Variants in PDE4B observed in about 807,000 individuals in gnomAD.
PDE4B encodes the protein 3',5'-cyclic-AMP phosphodiesterase 4B.
PDE4B carries 20 observed loss-of-function variants against 82.2 expected under a neutral mutation model. The observed-to-expected ratio is 0.24, with a 90% CI of 0.17 to 0.35. The LOEUF (loss-of-function observed/expected upper bound fraction) is 0.35. PDE4B is among the 10% of genes least tolerant of loss of function. The pLI is 1.00. For synonymous variants in PDE4B, 320 were observed against 318.9 expected, an observed-to-expected ratio of 1.00 and a Z score of -0.04; for missense variants, 655 against 907.2, an observed-to-expected ratio of 0.72 and a Z score of 3.57.
At chr1:66,052,534 C>A (rs1190405248) in intron 3 of PDE4B, among the ~76,000 whole-genome samples, 1 of 148,766 alleles carries the variant, frequency 6.7e-6, no homozygotes, top group Non-Finnish European at 1.5e-5. Context: ...ACTGCTTTAG[C>A]TTTCTGTGTT....
At chr1:66,029,814 A>G (rs1421151263) in intron 3 of PDE4B, among the ~76,000 whole-genome samples, 1 of 152,198 alleles carries the variant, frequency 6.6e-6, no homozygotes, top group Non-Finnish European at 1.5e-5. Flanking sequence ...GATTTTATAT[A>G]TGCTTAAATT....
At chr1:65,794,752 ATAAG>A (rs781004776) in intron 1 of PDE4B, among the ~76,000 whole-genome samples, 13 of 152,370 alleles carry the variant, frequency 8.5e-5, no homozygotes, top group East Asian at 1.9e-4. Flanking sequence ...TTTACAAAAA[ATAAG>A]TAAGATTGTT....
chr1:66,298,705 T>A (rs1657679333), intron 7 of PDE4B, among the ~76,000 whole-genome samples: 1 of 152,156 alleles, frequency 6.6e-6, no homozygotes, highest in African/African-American at 2.4e-5. Flanking sequence ...ACTTGACATC[T>A]TTTTTAGTTT....
intron 3 of PDE4B, among the ~76,000 whole-genome samples, chr1:66,244,445 T>C (rs1037162950): frequency 2.0e-5 from 3 of 152,234 alleles, no homozygotes; most frequent in Non-Finnish European, 4.4e-5. Context: ...TGTGTTTGTT[T>C]CTGCTACTGT....
At chr1:66,141,327 A>AATACATAT (rs1646165476) in intron 3 of PDE4B, among the ~76,000 whole-genome samples, 1 of 91,482 alleles carries the variant, frequency 1.1e-5, no homozygotes, top group Non-Finnish European at 2.0e-5. Flanking sequence ...AAGCTTTGAG[A>AATACATAT]ATATATATAT....
chr1:65,947,079 C>T (rs956448672), intron 3 of PDE4B, among the ~76,000 whole-genome samples: 11 of 151,948 alleles, frequency 7.2e-5, no homozygotes, highest in South Asian at 2.1e-4. Flanking sequence ...ACATCAGGCA[C>T]GGTTAACATG....
At chr1:66,283,670 G>T (rs1291531775) in intron 7 of PDE4B, among the ~76,000 whole-genome samples, 2 of 151,974 alleles carry the variant, frequency 1.3e-5, no homozygotes, top group African/African-American at 4.8e-5. Flanking sequence ...TGTATAGAAA[G>T]TATTGAGGAA....
rs372416287 is a variant in PDE4B, at chr1:66,257,631, T to C, written c.477-16T>C. 5.0e-6 allele frequency: 8 copies of C among 1,611,482 alleles called. No individual in the cohort carries two copies. The African/African-American group carries it at 9.4e-5, about 19-fold the overall frequency. ...CAAGTAAATTTCTAAAGGTTCTTTT[T>C]TTCTCTTTTCACCAGACACGGCGAT... is the stretch of plus-strand genomic sequence containing the variant. On this transcript the variant is annotated splice_polypyrimidine_tract_variant and intron_variant, in intron 4 of 16. Transcript: ENST00000341517.
chr1:66,068,336 G>T (rs2100918653), intron 3 of PDE4B, among the ~76,000 whole-genome samples: 1 of 151,980 alleles, frequency 6.6e-6, no homozygotes, highest in East Asian at 1.9e-4. Flanking sequence ...AAACTTCCTT[G>T]GAGAGTTGTG....
At chr1:65,862,213 G>T (rs1646462118) in intron 1 of PDE4B, among the ~76,000 whole-genome samples, 1 of 152,098 alleles carries the variant, frequency 6.6e-6, no homozygotes, top group Non-Finnish European at 1.5e-5. Flanking sequence ...ATTATTTTGA[G>T]ATATGTTCCA....
intron 1 of PDE4B, among the ~76,000 whole-genome samples, chr1:65,797,434 T>A (rs548854932): frequency 6.6e-6 from 1 of 152,308 alleles, no homozygotes; most frequent in Admixed American, 6.5e-5. Flanking sequence ...TAACAGATAA[T>A]CACTCTGTTT....
intron 3 of PDE4B, among the ~76,000 whole-genome samples, chr1:65,956,908 C>G (rs953417523): frequency 6.6e-6 from 1 of 152,010 alleles, no homozygotes; most frequent in Non-Finnish European, 1.5e-5. Context: ...TATCTGTGTA[C>G]TCTCTGATCT....
At chr1:66,083,165 G>A (rs1656829474) in intron 3 of PDE4B, among the ~76,000 whole-genome samples, 1 of 151,962 alleles carries the variant, frequency 6.6e-6, no homozygotes, top group African/African-American at 2.4e-5. Context: ...TGCCTGCGTG[G>A]CCACATTAAT....
At chr1:65,972,762 T>G (rs1041985013) in intron 3 of PDE4B, among the ~76,000 whole-genome samples, 4 of 152,286 alleles carry the variant, frequency 2.6e-5, no homozygotes, top group Non-Finnish European at 4.4e-5. Flanking sequence ...TTTTTTCCTT[T>G]ATTTAGATGC....
At chr1:66,181,373 A>G (rs1647059775) in intron 3 of PDE4B, among the ~76,000 whole-genome samples, 2 of 152,162 alleles carry the variant, frequency 1.3e-5, no homozygotes, top group Admixed American at 1.3e-4. Flanking sequence ...ATTTAAACAC[A>G]TGTTCTCTTG....
At chr1:66,065,002 A>ATG (rs1655774617) in intron 3 of PDE4B, among the ~76,000 whole-genome samples, 1 of 151,982 alleles carries the variant, frequency 6.6e-6, no homozygotes, top group Non-Finnish European at 1.5e-5. Context: ...TACAAAATTA[A>ATG]TGTTTTCTTA....
chr1:66,301,270 T>C (rs1472819932), intron 7 of PDE4B, among the ~76,000 whole-genome samples: 1 of 152,182 alleles, frequency 6.6e-6, no homozygotes, highest in Non-Finnish European at 1.5e-5. Context: ...GAGCTTCTCA[T>C]TTGATCAGCA....
chr1:65,873,023 C>T (rs1346808219), intron 1 of PDE4B, among the ~76,000 whole-genome samples: 3 of 152,060 alleles, frequency 2.0e-5, no homozygotes, highest in South Asian at 2.1e-4. Context: ...TACTATGTGC[C>T]GAGTACTGGT....
intron 1 of PDE4B, among the ~76,000 whole-genome samples, chr1:65,842,018 T>C (rs1278844167): frequency 1.3e-5 from 2 of 152,174 alleles, no homozygotes; most frequent in Non-Finnish European, 2.9e-5. Context: ...TTAAATCAAC[T>C]TAGTCTTTCC....
Sources: gnomAD v4.1 joint callset for allele counts (sites outside exome capture counted in the v4.1 genomes callset) on GRCh38, gnomAD v4.1.1 for gene constraint, MANE v1.5 for transcripts, NCBI Gene and HGNC (gene_info 2026-07-23, HGNC 2026-07-21) for gene names.